RAP1GAP2: variants seen among roughly 807,000 people sequenced by gnomAD.
The protein encoded by RAP1GAP2 is RAP1 GTPase activating protein 2.
A neutral mutation model predicts 95.0 loss-of-function variants in RAP1GAP2; 27 were observed. The observed-to-expected ratio is 0.28, with a 90% confidence interval of 0.21 to 0.39. The LOEUF (loss-of-function observed/expected upper bound fraction) is 0.39. Among genes scored for constraint, RAP1GAP2 ranks in the 10% least tolerant of loss-of-function variants. The pLI is 1.00. For missense variants in RAP1GAP2, 771 were observed against 970.0 expected (o/e 0.79, Z 2.72); for synonymous variants, 373 against 380.9 (o/e 0.98, Z 0.24).
In RAP1GAP2 at chr17:2,988,087, A is replaced by G. The variant is rs147131088; in HGVS notation, c.813+3021A>G. 7.6e-3 allele frequency among the ~76,000 whole-genome samples: 1,153 copies of G among 152,124 alleles called. 4 individuals carry two copies. Among genetic ancestry groups the G allele is most frequent in the South Asian group, 0.014 (67 of 4,816 alleles). Reference sequence around the variant, plus strand: ...TAGCCAGGAGTGGTGGTGGGCGCCTATAGTCCCAGCTACTTGGGAGTCTAA... The same window carrying G: ...TAGCCAGGAGTGGTGGTGGGCGCCTGTAGTCCCAGCTACTTGGGAGTCTAA... On this transcript the variant is annotated intron_variant, in intron 11 of 24. Coordinates refer to ENST00000254695, the MANE Select transcript of RAP1GAP2 (RefSeq NM_015085.5).
chr17:2,826,385 C>T (rs1035626179), intron 2 of RAP1GAP2, among the ~76,000 whole-genome samples: 2 of 151,590 alleles, frequency 1.3e-5, no homozygotes, highest in African/African-American at 2.4e-5. Context: ...AGCGGTGAGC[C>T]AGGCTCTCGA....
At chr17:2,774,432 G>A (rs550335259), upstream of RAP1GAP2, among the ~76,000 whole-genome samples, 7 of 151,656 alleles carry the variant, frequency 4.6e-5, no homozygotes, top group Admixed American at 4.6e-4. Context: ...GTGATGGAAC[G>A]GGCTGCTGAT....
rs1374528339 is a variant in RAP1GAP2, at chr17:2,817,897, C to T, written c.80+17347C>T. ...TTGTTGCCCAGGCTGGAATGTAGGGCACAATCTCAGCTCACTGCAACCTCT... is the reference window on the plus strand; with the variant it reads ...TTGTTGCCCAGGCTGGAATGTAGGGTACAATCTCAGCTCACTGCAACCTCT... On this transcript the variant is annotated intron_variant, in intron 2 of 24. Transcript: ENST00000254695. 6.0e-5 allele frequency among the ~76,000 whole-genome samples: 4 copies of T among 66,874 alleles called. 1 individual carries two copies. Among genetic ancestry groups the T allele is most frequent in the Admixed American group, 5.2e-4 (4 of 7,628 alleles). 43.9% of individuals were successfully genotyped at this position (66,874 alleles called of 152,430 possible).
chr17:2,841,807 G>A (rs990213170), intron 2 of RAP1GAP2, among the ~76,000 whole-genome samples: 9 of 152,164 alleles, frequency 5.9e-5, no homozygotes, highest in African/African-American at 2.2e-4. Context: ...CAGACACAGC[G>A]CAGAGGGGCC....
chr17:2,780,453 C>T (rs150427286), intron 1 of RAP1GAP2, among the ~76,000 whole-genome samples: 292 of 152,336 alleles, frequency 1.9e-3, no homozygotes, highest in African/African-American at 6.3e-3. Flanking sequence ...CTGTTATGAG[C>T]GGCGATTGGA....
intron 1 of RAP1GAP2, chr17:2,800,312 T>C: frequency 2.3e-6 from 2 of 856,236 alleles, no homozygotes; most frequent in Non-Finnish European, 2.8e-6. Flanking sequence ...ATACGCATGT[T>C]GTAGGGTGGT....
chr17:3,005,893 G>T lies in RAP1GAP2; in HGVS notation c.1273-62G>T, dbSNP rs957324406. On this transcript the variant is annotated intron_variant, in intron 15 of 24. Coordinates refer to ENST00000254695, the MANE Select transcript of RAP1GAP2 (RefSeq NM_015085.5). The surrounding 1 kb of genome is among the most constrained non-coding windows in gnomAD (Gnocchi z 5.2). ...CCGGCTCTGCCTGCCTGTCACTGTGGCTGAAGACCTTCTGGCAACAGCCGA... is the reference window on the plus strand; with the variant it reads ...CCGGCTCTGCCTGCCTGTCACTGTGTCTGAAGACCTTCTGGCAACAGCCGA... 2 of 1,495,650 alleles carry T rather than the reference G, an allele frequency of 1.3e-6. No individual in the cohort carries two copies. Among genetic ancestry groups the T allele is most frequent in the African/African-American group, 2.8e-5 (2 of 72,242 alleles). 92.6% of individuals were successfully genotyped at this position (1,495,650 alleles called of 1,614,324 possible). A position where few individuals can be genotyped will look rare whatever the true frequency, so the allele number is the denominator to read the frequency against.
At chr17:2,982,096 G>A (rs192390768) in intron 10 of RAP1GAP2, among the ~76,000 whole-genome samples, 4 of 152,322 alleles carry the variant, frequency 2.6e-5, no homozygotes, top group African/African-American at 9.6e-5. Context: ...TGTCTGGTGA[G>A]GAAGAGAGGC....
intron 3 of RAP1GAP2, among the ~76,000 whole-genome samples, chr17:2,931,331 G>T (rs1317374881): frequency 1.3e-5 from 2 of 150,768 alleles, no homozygotes; most frequent in Non-Finnish European, 2.9e-5. Flanking sequence ...ACGTGACTGT[G>T]AATGTTGTGG....
chr17:2,862,996 CAAAAA>C (rs1164520490), intron 2 of RAP1GAP2, among the ~76,000 whole-genome samples: 27 of 49,012 alleles, frequency 5.5e-4, no homozygotes, highest in African/African-American at 1.9e-3. Flanking sequence ...GACTCTGTCT[CAAAAA>C]AAAAAAAAAA....
chr17:2,940,039 C>T (rs1042027910), intron 3 of RAP1GAP2, among the ~76,000 whole-genome samples: 1 of 152,250 alleles, frequency 6.6e-6, no homozygotes, highest in African/African-American at 2.4e-5. Flanking sequence ...TCTCGGGACC[C>T]AGGCCCTGGC....
At chr17:2,954,728 A>T (rs2044048925) in intron 3 of RAP1GAP2, among the ~76,000 whole-genome samples, 1 of 151,836 alleles carries the variant, frequency 6.6e-6, no homozygotes. Context: ...CAAGTAGCTC[A>T]GATTACAGGT....
chr17:2,850,016 T>C (rs1432798332), intron 2 of RAP1GAP2, among the ~76,000 whole-genome samples: 3 of 150,178 alleles, frequency 2.0e-5, no homozygotes, highest in Non-Finnish European at 1.5e-5. Flanking sequence ...TTTTTTTTTT[T>C]TTGAGATGGA....
intron 2 of RAP1GAP2, among the ~76,000 whole-genome samples, chr17:2,843,929 TG>T (rs1202041028): frequency 6.8e-6 from 1 of 147,494 alleles, no homozygotes; most frequent in African/African-American, 2.5e-5. Flanking sequence ...AGCGAGGGGT[TG>T]GGGGCGGGGG....
chr17:2,932,572 G>A (rs1418770643), intron 3 of RAP1GAP2, among the ~76,000 whole-genome samples: 13 of 129,934 alleles, frequency 1.0e-4, no homozygotes, highest in Admixed American at 2.4e-4. Context: ...GTGACAGAGT[G>A]AGACTCCATC....
At chr17:2,945,459 G>A (rs73976732) in intron 3 of RAP1GAP2, among the ~76,000 whole-genome samples, 3,135 of 152,128 alleles carry the variant, frequency 0.021, 117 homozygotes, top group African/African-American at 0.071. Context: ...TTTCCTTTCC[G>A]TGGTAGATAC....
intron 2 of RAP1GAP2, among the ~76,000 whole-genome samples, chr17:2,877,712 C>T (rs1352719574): frequency 6.6e-6 from 1 of 152,206 alleles, no homozygotes; most frequent in Non-Finnish European, 1.5e-5. Flanking sequence ...GATTGCGCCA[C>T]TGTACTTCAG....
At chr17:2,821,153 GCC>G (rs2070287447) in intron 2 of RAP1GAP2, among the ~76,000 whole-genome samples, 1 of 151,904 alleles carries the variant, frequency 6.6e-6, no homozygotes, top group Non-Finnish European at 1.5e-5. Context: ...CTCTCCACAG[GCC>G]CAGGGATGCG....
chr17:2,898,304 C>T (rs910193920), intron 2 of RAP1GAP2, among the ~76,000 whole-genome samples: 2 of 152,172 alleles, frequency 1.3e-5, no homozygotes, highest in African/African-American at 4.8e-5. Context: ...GCTGTGACCC[C>T]GAGGTCAGCC....
Sources: allele counts gnomAD v4.1 joint callset (sites outside exome capture counted in the v4.1 genomes callset), GRCh38; gene constraint gnomAD v4.1.1; non-coding constraint Gnocchi (gnomAD v3.1); transcripts MANE v1.5; gene names NCBI Gene and HGNC (gene_info 2026-07-23, HGNC 2026-07-21).